The following MYOF variants were observed in gnomAD, a reference collection of about 807,000 sequenced individuals.
MYOF encodes the protein myoferlin.
Under a neutral mutation model 284.2 loss-of-function variants are expected in MYOF, and 244 were observed. The observed-to-expected ratio is 0.86, with a 90% confidence interval of 0.77 to 0.95. The LOEUF (loss-of-function observed/expected upper bound fraction) is 0.95. Ranked by LOEUF, MYOF falls within the 40% of genes least tolerant of loss-of-function variation. The pLI is 0.00. For synonymous variants in MYOF, 904 were observed against 919.7 expected, an observed-to-expected ratio of 0.98 and a Z score of 0.31; for missense variants, 2,496 against 2,560.6, an observed-to-expected ratio of 0.97 and a Z score of 0.54.
chr10:93,328,701 C>T lies in MYOF; in HGVS notation c.5131+62G>A, dbSNP rs372994839. Reference sequence around the variant, plus strand: ...GCTCTGTCTATTCACTCCCCCAAACCCAGCAATATATATGGGTTACTATAC... The same window carrying T: ...GCTCTGTCTATTCACTCCCCCAAACTCAGCAATATATATGGGTTACTATAC... On this transcript the variant is annotated intron_variant, in intron 45 of 53. Coordinates refer to ENST00000359263, the MANE Select transcript of MYOF (RefSeq NM_013451.4). The T allele has an allele frequency of 4.5e-5, 68 of 1,522,702 alleles. No homozygotes were observed. The African/African-American group carries it at 7.9e-4, about 18-fold the overall frequency. 94.3% of individuals were successfully genotyped at this position (1,522,702 alleles called of 1,614,324 possible).
rs549113508 is a variant in MYOF at position 93,331,591 on chromosome 10, C to T, written c.4811+1630G>A. Among the ~76,000 whole-genome samples, 39 of 152,130 alleles carry T rather than the reference C, an allele frequency of 2.6e-4. No individual in the cohort carries two copies. In the South Asian group the frequency reaches 7.7e-3, roughly 30 times the overall value. ...CCCTGCGTGCCTTTTCCTGTCTAGA[C>T]CTCGGGGCTGGATCAGTGGAAGAAA... On this transcript the variant is annotated intron_variant, in intron 43 of 53. Transcript: ENST00000359263.
At chr10:93,307,717 C>T (rs1842184692) in intron 53 of MYOF, among the ~76,000 whole-genome samples, 1 of 150,922 alleles carries the variant, frequency 6.6e-6, no homozygotes, top group African/African-American at 2.4e-5. Flanking sequence ...CTTTGCCTCG[C>T]AGGTTCAAGT....
At chr10:93,341,644 T>C (rs1351668700) in intron 38 of MYOF, among the ~76,000 whole-genome samples, 4 of 152,240 alleles carry the variant, frequency 2.6e-5, no homozygotes, top group Non-Finnish European at 5.9e-5. Flanking sequence ...AATTTATTCA[T>C]GCCTACATGA....
Position 93,435,555 on chromosome 10 carries a change from G to A in MYOF, c.237-4039C>T, listed in dbSNP as rs543265375. Among the ~76,000 whole-genome samples, 98 of 152,350 alleles carry A rather than the reference G, an allele frequency of 6.4e-4. 1 individual carries two copies. Among genetic ancestry groups the A allele is most frequent in the Admixed American group, 5.7e-3 (87 of 15,306 alleles). ...CCAACTCTTCGTTATTTGCAAACAAGTGGATTGAAGCAAAAAATTTCTCAA... is the reference window on the plus strand; with the variant it reads ...CCAACTCTTCGTTATTTGCAAACAAATGGATTGAAGCAAAAAATTTCTCAA... On this transcript the variant is annotated intron_variant, in intron 3 of 53. Transcript: ENST00000359263.
At chr10:93,325,358 C>G (rs787684) in intron 46 of MYOF, among the ~76,000 whole-genome samples, 1 of 152,062 alleles carries the variant, frequency 6.6e-6, no homozygotes, top group South Asian at 2.1e-4. Flanking sequence ...CCTCCTGAAC[C>G]GGGCCGAGCT....
intron 3 of MYOF, among the ~76,000 whole-genome samples, chr10:93,435,129 C>T (rs1351525140): frequency 6.6e-6 from 1 of 152,190 alleles, no homozygotes; most frequent in Non-Finnish European, 1.5e-5. Flanking sequence ...CTTGCAATTT[C>T]ATAATTCATA....
rs1013621386 is a variant in MYOF at position 93,306,737 on chromosome 10, T to A, written c.*226A>T. ...ATATTTTGAAAAACATGATTTAAAC[T>A]TTAGAAAATAAAACTTTTAATACTT... is the stretch of plus-strand genomic sequence containing the variant. On this transcript the variant is annotated 3_prime_UTR_variant, in exon 54 of 54. Coordinates refer to ENST00000359263, the MANE Select transcript of MYOF (RefSeq NM_013451.4). 2.1e-6 allele frequency: 1 copy of A among 486,402 alleles called. No individual in the cohort carries two copies. The highest frequency in any genetic ancestry group is 4.2e-5 in the Admixed American group (1 of 23,782). 30.1% of individuals were successfully genotyped at this position (486,402 alleles called of 1,614,324 possible). A position where few individuals can be genotyped will look rare whatever the true frequency, so the allele number is the denominator to read the frequency against.
intron 5 of MYOF, among the ~76,000 whole-genome samples, chr10:93,415,858 A>C (rs1474023801): frequency 2.0e-5 from 3 of 152,202 alleles, no homozygotes; most frequent in Non-Finnish European, 4.4e-5. Context: ...CCAGAATATT[A>C]AAAAACAAAA....
intron 4 of MYOF, among the ~76,000 whole-genome samples, chr10:93,426,896 T>C (rs1199805918): frequency 6.8e-6 from 1 of 147,032 alleles, no homozygotes; most frequent in Non-Finnish European, 1.5e-5. Flanking sequence ...TTTTTTTTTT[T>C]TTTTTTTTTG....
At chr10:93,395,838 G>A (rs1269103217) in intron 16 of MYOF, among the ~76,000 whole-genome samples, 1 of 151,140 alleles carries the variant, frequency 6.6e-6, no homozygotes, top group East Asian at 1.9e-4. Context: ...AACCGCTATT[G>A]GGAAAGAAGT....
At chr10:93,312,318 C>T (rs995848369) in intron 51 of MYOF, among the ~76,000 whole-genome samples, 2 of 148,364 alleles carry the variant, frequency 1.3e-5, no homozygotes, top group African/African-American at 5.0e-5. Context: ...AATGCCAGCA[C>T]ACCTTGCTTC....
At chr10:93,314,892 T>A (rs971527340) in intron 50 of MYOF, among the ~76,000 whole-genome samples, 1 of 152,090 alleles carries the variant, frequency 6.6e-6, no homozygotes, top group Non-Finnish European at 1.5e-5. Context: ...CTACAAAACA[T>A]ACACAAAATT....
chr10:93,337,429 C>T, intron 40 of MYOF: 1 of 174,562 alleles, frequency 5.7e-6, no homozygotes, highest in Non-Finnish European at 1.2e-5. Flanking sequence ...CTTGTGAAAC[C>T]AATCCCTGTT....
At chr10:93,356,092 G>T (rs913567565) in intron 30 of MYOF, among the ~76,000 whole-genome samples, 3 of 152,128 alleles carry the variant, frequency 2.0e-5, no homozygotes, top group Non-Finnish European at 4.4e-5. Flanking sequence ...GAATACTGTG[G>T]GGTCAGAGTG....
At chr10:93,370,414 C>T (rs906699470) in intron 24 of MYOF, among the ~76,000 whole-genome samples, 2 of 148,480 alleles carry the variant, frequency 1.3e-5, no homozygotes, top group African/African-American at 2.5e-5. Flanking sequence ...AGGGCTCAAG[C>T]GATCCTCCCT....
intron 2 of MYOF, among the ~76,000 whole-genome samples, chr10:93,452,507 A>G (rs919099077): frequency 1.4e-5 from 2 of 138,672 alleles, no homozygotes; most frequent in Non-Finnish European, 3.0e-5. Context: ...TTGAACAATG[A>G]GAACACTTGG....
At chr10:93,389,008 C>A (rs752296919) in intron 18 of MYOF, 22 bp downstream of exon 18, 2 of 1,607,894 alleles carry the variant, frequency 1.2e-6, no homozygotes, top group Non-Finnish European at 1.7e-6. Flanking sequence ...TGATTAATAA[C>A]CACCTTAATT....
Position 93,369,656 on chromosome 10 carries a change from AG to A in MYOF, c.2577del (p.Phe860LeufsTer20). 6.2e-7 allele frequency: 1 copy of A among 1,614,208 alleles called. No homozygotes were observed. The highest frequency in any genetic ancestry group is 8.5e-7 in the Non-Finnish European group (1 of 1,180,022). ...ATCATTAAAGGTACCATTTCAGCAA[AG>A]ACGGTGAAAGTTCCTTCTGCGAAGC... ...FNSFAEGTFT[V>X]FAEMYENQAL... On this transcript the variant is annotated frameshift_variant, in exon 25 of 54. Coordinates refer to ENST00000359263, the MANE Select transcript of MYOF (RefSeq NM_013451.4). LOFTEE classifies it high-confidence loss of function.
intron 17 of MYOF, among the ~76,000 whole-genome samples, chr10:93,390,576 G>A (rs1490081394): frequency 1.3e-5 from 2 of 152,126 alleles, no homozygotes; most frequent in South Asian, 4.1e-4. Context: ...AGATAAACAG[G>A]AGGAATGACT....
Sources: gnomAD v4.1 joint callset for allele counts (sites outside exome capture counted in the v4.1 genomes callset) on GRCh38, gnomAD v4.1.1 for gene constraint, MANE v1.5 for transcripts, NCBI Gene and HGNC (gene_info 2026-07-23, HGNC 2026-07-21) for gene names.